Variants in COX17 observed in about 807,000 individuals in gnomAD.
COX17 encodes the protein cytochrome c oxidase copper chaperone COX17.
In COX17, 1 loss-of-function variant was observed where a neutral mutation model predicts 6.3. That is an observed-to-expected ratio of 0.16 (90% CI 0.06 to 0.75). COX17 has a LOEUF of 0.75. COX17 is among the 30% of genes least tolerant of loss of function. COX17 has a pLI of 0.77. For synonymous variants in COX17, 26 were observed against 30.5 expected (o/e 0.85, Z 0.49); for missense variants, 73 against 81.2 (o/e 0.90, Z 0.39).
downstream of COX17, among the ~76,000 whole-genome samples, chr3:119,664,770 G>T (rs2052978604): frequency 6.6e-6 from 1 of 152,100 alleles, no homozygotes; most frequent in Admixed American, 6.5e-5. Flanking sequence ...CAAAAATTCT[G>T]GGTTTGTATA....
chr3:119,674,873 G>A (rs1269599260), intron 2 of COX17: 7 of 316,854 alleles, frequency 2.2e-5, no homozygotes, highest in Non-Finnish European at 4.1e-5. Flanking sequence ...GTTTCTTTTA[G>A]TTCCCTCAGT....
chr3:119,668,219 T>C (rs2053011630), downstream of COX17, among the ~76,000 whole-genome samples: 1 of 152,132 alleles, frequency 6.6e-6, no homozygotes, highest in Non-Finnish European at 1.5e-5. Context: ...AAATTAACAA[T>C]GGGTGATAAG....
chr3:119,665,902 G>A (rs1341515888), downstream of COX17, among the ~76,000 whole-genome samples: 4 of 152,216 alleles, frequency 2.6e-5, no homozygotes, highest in Non-Finnish European at 2.9e-5. Context: ...TATAAAAACT[G>A]AACATCAGAA....
At position 119,677,321 on chromosome 3, in the gene COX17, A is replaced by G. The variant is rs1465582761; in HGVS notation, c.-11T>C. ...AACCAGACCCGGCATCTTTCGCGCC[A>G]AAAGCAGCTATGAGCGGAGACAGCC... On this transcript the variant is annotated 5_prime_UTR_variant, in exon 1 of 3. Transcript: ENST00000261070. 3.1e-6 allele frequency: 5 copies of G among 1,607,948 alleles called. No homozygotes were observed. In the East Asian group the frequency reaches 8.9e-5, roughly 29 times the overall value.
At chr3:119,675,305 G>C in intron 1 of COX17, 72 bp from the exon 2 acceptor site, 1 of 1,071,310 alleles carries the variant, frequency 9.3e-7, no homozygotes, top group Non-Finnish European at 1.4e-6. Flanking sequence ...ATAGTGATGG[G>C]GAGTGAGACA....
At chr3:119,666,100 A>C (rs1289954982), downstream of COX17, among the ~76,000 whole-genome samples, 2 of 151,596 alleles carry the variant, frequency 1.3e-5, no homozygotes, top group East Asian at 3.9e-4. Flanking sequence ...TTTTGTCCAG[A>C]TATCAAACCT....
chr3:119,667,724 CACACAG>C (rs765297551), downstream of COX17, among the ~76,000 whole-genome samples: 4,383 of 105,740 alleles, frequency 0.041, 72 homozygotes, highest in Middle Eastern at 0.082. Context: ...CACACACACA[CACACAG>C]AGAGAGAGAG....
At chr3:119,677,183 C>T (rs1439202596) in intron 1 of COX17, 21 bp downstream of exon 1, 11 of 1,594,770 alleles carry the variant, frequency 6.9e-6, no homozygotes, top group South Asian at 1.1e-5. Flanking sequence ...TCGGCCGCGC[C>T]CTCTCCGGCT....
intron 1 of COX17, among the ~76,000 whole-genome samples, chr3:119,676,168 T>C (rs1016716407): frequency 6.6e-6 from 1 of 152,240 alleles, no homozygotes; most frequent in Non-Finnish European, 1.5e-5. Flanking sequence ...ACCAAGTTAG[T>C]GGATTAAGAT....
intron 2 of COX17, among the ~76,000 whole-genome samples, chr3:119,673,228 A>C (rs1027404416): frequency 6.6e-6 from 1 of 152,200 alleles, no homozygotes; most frequent in Non-Finnish European, 1.5e-5. Context: ...ATAAGCTTTA[A>C]TTTCCTTATT....
chr3:119,673,202 G>C (rs2053062518), intron 2 of COX17, among the ~76,000 whole-genome samples: 1 of 152,212 alleles, frequency 6.6e-6, no homozygotes, highest in East Asian at 1.9e-4. Flanking sequence ...CCCACCTTGG[G>C]GGCCATTTCA....
Position 119,672,152 on chromosome 3 carries a change from A to C in COX17, c.*5-2487T>G, listed in dbSNP as rs898700736. On this transcript the variant is annotated intron_variant, in intron 2 of 2. Coordinates refer to ENST00000261070, the MANE Select transcript of COX17 (RefSeq NM_005694.2). ...ACATTGAATCATCACAACTCTATGA[A>C]GTAGTTTGGGCATGTATTATTGTCT... Among the ~76,000 whole-genome samples the C allele has an allele frequency of 3.3e-5, 5 of 152,230 alleles. No homozygotes were observed. In the East Asian group the frequency reaches 9.6e-4, roughly 29 times the overall value.
chr3:119,677,311 C>T lies in COX17; in HGVS notation c.-1G>A. ...GGTTTGAGTCAACCAGACCCGGCAT[C>T]TTTCGCGCCAAAAGCAGCTATGAGC... is the stretch of plus-strand genomic sequence containing the variant. On this transcript the variant is annotated 5_prime_UTR_variant, in exon 1 of 3. Transcript: ENST00000261070. The T allele has an allele frequency of 6.2e-7, 1 of 1,610,902 alleles. No individual in the cohort carries two copies. The highest frequency in any genetic ancestry group is 8.5e-7 in the Non-Finnish European group (1 of 1,179,426).
intron 2 of COX17, among the ~76,000 whole-genome samples, chr3:119,671,239 G>A (rs189391347): frequency 6.6e-6 from 1 of 152,278 alleles, no homozygotes; most frequent in East Asian, 1.9e-4. Context: ...CCCAAGTTGT[G>A]AATTCTGGAA....
At chr3:119,668,880 T>G (rs1577178441), downstream of COX17, among the ~76,000 whole-genome samples, 1 of 152,090 alleles carries the variant, frequency 6.6e-6, no homozygotes, top group East Asian at 1.9e-4. Flanking sequence ...GTTGCTATAC[T>G]AAGGAAATCA....
At chr3:119,675,404 C>G (rs1286682585) in intron 1 of COX17, 171 bp from the exon 2 acceptor site, 1 of 573,892 alleles carries the variant, frequency 1.7e-6, no homozygotes, top group Non-Finnish European at 3.1e-6. Flanking sequence ...ATGATATGCC[C>G]ATGCCTATGA....
downstream of COX17, among the ~76,000 whole-genome samples, chr3:119,668,060 G>GACCTAT (rs1370333652): frequency 1.3e-5 from 2 of 152,106 alleles, no homozygotes; most frequent in Admixed American, 1.3e-4. Flanking sequence ...TGACACCACA[G>GACCTAT]ACCTATACTC....
intron 2 of COX17, among the ~76,000 whole-genome samples, chr3:119,672,041 C>T (rs2053049878): frequency 6.6e-6 from 1 of 152,210 alleles, no homozygotes; most frequent in Non-Finnish European, 1.5e-5. Flanking sequence ...AAGTCATATA[C>T]TTAACAGACC....
At chr3:119,667,508 TA>T (rs1012539111), downstream of COX17, among the ~76,000 whole-genome samples, 4 of 152,132 alleles carry the variant, frequency 2.6e-5, no homozygotes, top group Non-Finnish European at 5.9e-5. Context: ...TAAATGGATA[TA>T]TTTTTTCTAG....
Sources: allele counts gnomAD v4.1 joint callset (sites outside exome capture counted in the v4.1 genomes callset), GRCh38; gene constraint gnomAD v4.1.1; transcripts MANE v1.5; gene names NCBI Gene and HGNC (gene_info 2026-07-23, HGNC 2026-07-21).